RPH3A: variants seen among roughly 807,000 people sequenced by gnomAD.
RPH3A encodes the protein rabphilin 3A.
Under a neutral mutation model 102.2 loss-of-function variants are expected in RPH3A, and 48 were observed. The ratio of observed to expected loss-of-function variants is 0.47; its 90% CI spans 0.37 to 0.60. RPH3A has a LOEUF of 0.60. Among genes scored for constraint, RPH3A ranks in the 20% least tolerant of loss-of-function variants. The pLI is 0.00. For synonymous variants in RPH3A, 310 were observed against 324.3 expected, an observed-to-expected ratio of 0.96 and a Z score of 0.47; for missense variants, 781 against 910.1, an observed-to-expected ratio of 0.86 and a Z score of 1.83.
At chr12:112,752,699 T>G (rs993171385) in intron 1 of RPH3A, among the ~76,000 whole-genome samples, 3 of 151,954 alleles carry the variant, frequency 2.0e-5, no homozygotes, top group Non-Finnish European at 2.9e-5. Context: ...TATTTTTCTA[T>G]TAACATATAA....
rs761403652 is a variant in RPH3A, at chr12:112,841,707, G to GTTT, written c.83+5217_83+5219dup. ...AGCTTGAGTTTTTTTTGTTTTTTTG[G>GTTT]TTTTTTTTTTTTTTCCATTGCATCC... On this transcript the variant is annotated intron_variant, in intron 4 of 21. Transcript: ENST00000389385. 1.0e-3 allele frequency among the ~76,000 whole-genome samples: 151 copies of GTTT among 144,992 alleles called. No homozygotes were observed. The South Asian group carries it at 0.012, about 12-fold the overall frequency.
chr12:112,678,188 C>A (rs1244169687), intron 1 of RPH3A, among the ~76,000 whole-genome samples: 4 of 148,418 alleles, frequency 2.7e-5, no homozygotes, highest in African/African-American at 1.0e-4. Flanking sequence ...CAGAGCAAGA[C>A]CCTGTCGAAA....
chr12:112,763,509 C>A (rs928705038), intron 1 of RPH3A, among the ~76,000 whole-genome samples: 19 of 152,132 alleles, frequency 1.2e-4, no homozygotes, highest in African/African-American at 3.9e-4. Flanking sequence ...TAGGTGGATT[C>A]AAAGATTTTC....
chr12:112,804,696 G>A (rs1565890515), intron 2 of RPH3A, among the ~76,000 whole-genome samples: 3 of 152,226 alleles, frequency 2.0e-5, no homozygotes, highest in South Asian at 2.1e-4. Flanking sequence ...ACAGCCCCCC[G>A]TACTTCAGTT....
At chr12:112,835,146 A>G (rs992470971) in intron 3 of RPH3A, among the ~76,000 whole-genome samples, 5 of 152,180 alleles carry the variant, frequency 3.3e-5, no homozygotes, top group African/African-American at 1.2e-4. Flanking sequence ...TACTTCTTCT[A>G]TCTAATACCT....
chr12:112,636,039 AT>A (rs1264152256), intron 1 of RPH3A, among the ~76,000 whole-genome samples: 1 of 152,200 alleles, frequency 6.6e-6, no homozygotes, highest in Non-Finnish European at 1.5e-5. Flanking sequence ...CTTAAACATG[AT>A]ATAAGCTTAT....
At chr12:112,630,004 G>A (rs750553779) in intron 1 of RPH3A, among the ~76,000 whole-genome samples, 2 of 151,882 alleles carry the variant, frequency 1.3e-5, no homozygotes, top group Non-Finnish European at 2.9e-5. Context: ...ATTCAGACTC[G>A]GGTCCATTTG....
chr12:112,883,300 A>G lies in RPH3A; in HGVS notation c.1334A>G (p.Lys445Arg). ...HLLPGASKSN[K>R]LRTKTLRNTR... ...ATCTCTCTCGGGCTCTAGTCCAACA[A>G]GCTTCGTACAAAAACTCTGCGGAAT... is the stretch of plus-strand genomic sequence containing the variant. The change falls in exon 16 of 22, where the codon AAG (lysine) becomes AGG (arginine). Residue 445 changes from lysine (K) to arginine (R), a missense_variant. Around this residue, in one of 2 missense-constraint regions of RPH3A, gnomAD observed 730 missense variants for 810.0 expected, o/e 0.90. Transcript: ENST00000389385. 1.2e-6 allele frequency: 2 copies of G among 1,613,942 alleles called. No homozygotes were observed. Among genetic ancestry groups the G allele is most frequent in the Non-Finnish European group, 1.7e-6 (2 of 1,179,874 alleles).
chr12:112,853,899 A>G (rs1375740355), intron 5 of RPH3A, among the ~76,000 whole-genome samples: 2 of 152,198 alleles, frequency 1.3e-5, no homozygotes, highest in African/African-American at 4.8e-5. Context: ...AAAAGAAAGA[A>G]CAAATACATG....
intron 1 of RPH3A, among the ~76,000 whole-genome samples, chr12:112,712,068 G>T (rs2040466843): frequency 6.6e-6 from 1 of 152,110 alleles, no homozygotes; most frequent in Non-Finnish European, 1.5e-5. Context: ...CTGACCTCAG[G>T]TGATCTGCCC....
chr12:112,716,157 G>T, intron 1 of RPH3A, among the ~76,000 whole-genome samples: 1 of 152,218 alleles, frequency 6.6e-6, no homozygotes, highest in East Asian at 1.9e-4. Flanking sequence ...CCCTTACCGC[G>T]TGCAGTTTTA....
chr12:112,763,803 A>G (rs1356533889), intron 1 of RPH3A, among the ~76,000 whole-genome samples: 1 of 152,166 alleles, frequency 6.6e-6, no homozygotes, highest in Non-Finnish European at 1.5e-5. Flanking sequence ...TTTCAGGTTA[A>G]CTTTGGAATG....
At chr12:112,705,311 A>G (rs115281833) in intron 1 of RPH3A, among the ~76,000 whole-genome samples, 55 of 152,328 alleles carry the variant, frequency 3.6e-4, no homozygotes, top group Admixed American at 1.6e-3. Flanking sequence ...TTTATCCCAG[A>G]TTGCCTTGTG....
chr12:112,640,436 T>G (rs1235430845), intron 1 of RPH3A, among the ~76,000 whole-genome samples: 1 of 150,390 alleles, frequency 6.6e-6, no homozygotes, highest in Non-Finnish European at 1.5e-5. Flanking sequence ...ACTAGGGGCT[T>G]ATTAATGATC....
intron 1 of RPH3A, among the ~76,000 whole-genome samples, chr12:112,616,394 G>T (rs2039679893): frequency 6.6e-6 from 1 of 152,148 alleles, no homozygotes; most frequent in African/African-American, 2.4e-5. Flanking sequence ...TGATCCTCCT[G>T]CCTCGGCCTC....
At chr12:112,581,086 C>T (rs1263213259) in intron 1 of RPH3A, among the ~76,000 whole-genome samples, 1 of 152,102 alleles carries the variant, frequency 6.6e-6, no homozygotes, top group East Asian at 1.9e-4. Flanking sequence ...AGTTTTCTTA[C>T]CTTGGGGGAC....
chr12:112,881,893 G>A (rs1338718948), intron 15 of RPH3A, 47 bp downstream of exon 15: 1 of 1,489,854 alleles, frequency 6.7e-7, no homozygotes, highest in Admixed American at 1.8e-5. Flanking sequence ...CATGGGCCCT[G>A]GCAGATACCC....
chr12:112,584,215 G>T (rs1051450559), intron 1 of RPH3A, among the ~76,000 whole-genome samples: 4 of 150,888 alleles, frequency 2.7e-5, no homozygotes, highest in African/African-American at 9.8e-5. Flanking sequence ...GTATTTTGGG[G>T]TCTCTTTGGG....
intron 1 of RPH3A, among the ~76,000 whole-genome samples, chr12:112,713,079 CTTCTTCTTCTTCTTCTTCTTCTTT>C (rs2040489929): frequency 7.9e-6 from 1 of 126,300 alleles, no homozygotes; most frequent in African/African-American, 3.3e-5. Flanking sequence ...TCTTCTTCTT[CTTCTTCTTCTTCTTCTTCTTCTTT>C]TATTTTTTTG....
Sources: allele counts gnomAD v4.1 joint callset (sites outside exome capture counted in the v4.1 genomes callset), GRCh38; gene constraint gnomAD v4.1.1; regional missense constraint gnomAD v4.1.1; transcripts MANE v1.5; gene names NCBI Gene and HGNC (gene_info 2026-07-23, HGNC 2026-07-21).